Variants in DNAJC17 observed in about 807,000 individuals in gnomAD.
DNAJC17 encodes dnaJ homolog subfamily C member 17.
A neutral mutation model predicts 48.1 loss-of-function variants in DNAJC17; 35 were observed. That is an observed-to-expected ratio of 0.73 (90% CI 0.56 to 0.96). The LOEUF is 0.96. DNAJC17 is among the 50% of genes least tolerant of loss of function. The pLI is 0.00. For missense variants in DNAJC17, 355 were observed against 377.1 expected (o/e 0.94, Z 0.48); for synonymous variants, 117 against 142.7 (o/e 0.82, Z 1.28).
rs1888993152 is a variant in DNAJC17 at position 40,767,934 on chromosome 15, C to G, written c.*6G>C. The G allele has an allele frequency of 1.9e-6, 3 of 1,612,184 alleles. No homozygotes were observed. Among genetic ancestry groups the G allele is most frequent in the East Asian group, 4.5e-5 (2 of 44,864 alleles). ...AGGGCTGAGGGGTGGATGGCTGGAG[C>G]TGGGGCTACGTAGGCGGCCCCTCCT... On this transcript the variant is annotated 3_prime_UTR_variant, in exon 11 of 11. Coordinates refer to ENST00000220496, the MANE Select transcript of DNAJC17 (RefSeq NM_018163.3).
chr15:40,792,402 G>C, intron 1 of DNAJC17: 1 of 945,540 alleles, frequency 1.1e-6, no homozygotes, highest in Non-Finnish European at 1.3e-6. Flanking sequence ...TTTGAGTCTT[G>C]AAAAACAATC....
In DNAJC17 at chr15:40,767,091, A is replaced by T; in HGVS notation, c.*849T>A. On this transcript the variant is annotated 3_prime_UTR_variant, in exon 11 of 11. Coordinates refer to ENST00000220496, the MANE Select transcript of DNAJC17 (RefSeq NM_018163.3). ...GGGAGGAGGCAGGGGGCGTGCACTT[A>T]CCCCAGCGCCCAGCAAGCAGCCAGC... 1 of 834,508 alleles carries T rather than the reference A, an allele frequency of 1.2e-6. No homozygotes were observed. The allele number at this position is 834,508 out of a possible 1,614,324, so 51.7% of individuals were successfully genotyped here. A position where few individuals can be genotyped will look rare whatever the true frequency, so the allele number is the denominator to read the frequency against.
In DNAJC17 at chr15:40,765,754, G is replaced by A. The variant is rs7182456; in HGVS notation, c.*2186C>T. 0.012 allele frequency: 7,600 copies of A among 656,070 alleles called. 450 individuals carry two copies. In the African/African-American group the frequency reaches 0.13, roughly 11 times the overall value. The allele number at this position is 656,070 out of a possible 1,614,324, so 40.6% of individuals were successfully genotyped here. On this transcript the variant is annotated 3_prime_UTR_variant, in exon 11 of 11. Transcript: ENST00000220496. ...ACCTTACTCAGGGCTAGCAGGCAGG[G>A]GAGGAAGGACAGGCAAGACCTTCCA...
At position 40,776,232 on chromosome 15, in the gene DNAJC17, C is replaced by A. The variant is rs1207187471; in HGVS notation, c.442G>T (p.Glu148Ter). 1 of 1,614,032 alleles carries A rather than the reference C, an allele frequency of 6.2e-7. No homozygotes were observed. Among genetic ancestry groups the A allele is most frequent in the African/African-American group, 1.3e-5 (1 of 74,918 alleles). ...QLEEQQRLIREQIRQERDQRL... is the reference protein window; with the variant it reads ...QLEEQQRLIR ...TGGTCACGCTCCTGGCGTATCTGCTCCCGGATGAGCCTCTGCTGTTCCTCC... is the reference window on the plus strand; with the variant it reads ...TGGTCACGCTCCTGGCGTATCTGCTACCGGATGAGCCTCTGCTGTTCCTCC... The change falls in exon 6 of 11, where the codon GAG becomes TAG. Residue 148 changes from glutamate (E) to a stop codon, truncating the protein, a stop_gained. Coordinates refer to ENST00000220496, the MANE Select transcript of DNAJC17 (RefSeq NM_018163.3). LOFTEE classifies it high-confidence loss of function.
In DNAJC17 at chr15:40,773,709, C is replaced by G. The variant is rs376380319; in HGVS notation, c.792+18G>C. ...TCCGAGACCTGAGCGCCCAGCCGGG[C>G]GAGGCCTGACTCCTCACCTTTGACA... On this transcript the variant is annotated intron_variant, in intron 10 of 10. Coordinates refer to ENST00000220496, the MANE Select transcript of DNAJC17 (RefSeq NM_018163.3). 6.2e-7 allele frequency: 1 copy of G among 1,600,446 alleles called. No individual in the cohort carries two copies. Among genetic ancestry groups the G allele is most frequent in the South Asian group, 1.1e-5 (1 of 89,914 alleles).
Position 40,776,751 on chromosome 15 carries a change from C to T in DNAJC17, c.296-124G>A, listed in dbSNP as rs181309692. ...CGACGAGATCATACAGTAACTCTGC[C>T]CCCTCCCTCCATGCCCACGCCCCCG... On this transcript the variant is annotated intron_variant, in intron 4 of 10. Transcript: ENST00000220496. The T allele has an allele frequency of 6.3e-4, 554 of 883,094 alleles. 13 individuals carry two copies. The East Asian group carries it at 8.5e-3, about 14-fold the overall frequency. 54.7% of individuals were successfully genotyped at this position (883,094 alleles called of 1,614,324 possible).
Position 40,765,876 on chromosome 15 carries a change from T to G in DNAJC17, c.*2064A>C. The G allele has an allele frequency of 3.8e-6, 6 of 1,585,528 alleles. No individual in the cohort carries two copies. The highest frequency in any genetic ancestry group is 5.2e-6 in the Non-Finnish European group (6 of 1,161,202). ...GATGAACAGTCGGATCCAGAGCTGA[T>G]GCAGCATCTGGGGGCTTCAAAGAGA... On this transcript the variant is annotated 3_prime_UTR_variant, in exon 11 of 11. Coordinates refer to ENST00000220496, the MANE Select transcript of DNAJC17 (RefSeq NM_018163.3).
intron 1 of DNAJC17, among the ~76,000 whole-genome samples, chr15:40,798,203 T>C (rs776434699): frequency 5.3e-5 from 8 of 152,188 alleles, no homozygotes; most frequent in Non-Finnish European, 1.0e-4. Context: ...TGGCTGAACC[T>C]TGAAAGCATG....
At position 40,797,294 on chromosome 15, in the gene DNAJC17, C is replaced by T. The variant is rs115212357; in HGVS notation, c.78+10075G>A. 6.0e-3 allele frequency among the ~76,000 whole-genome samples: 908 copies of T among 152,274 alleles called. 9 individuals are homozygous for T. The highest frequency in any genetic ancestry group is 0.021 in the African/African-American group (867 of 41,564). On this transcript the variant is annotated intron_variant, in intron 1 of 10. Coordinates refer to ENST00000220496, the MANE Select transcript of DNAJC17 (RefSeq NM_018163.3). Reference sequence around the variant, plus strand: ...CTGAAGTGGGACGACTGCTTGGGCCCAGGAGGTTGAGGCTGCAGTGAGCTG... The same window carrying T: ...CTGAAGTGGGACGACTGCTTGGGCCTAGGAGGTTGAGGCTGCAGTGAGCTG...
intron 1 of DNAJC17, chr15:40,792,452 C>T: frequency 1.0e-6 from 1 of 985,194 alleles, no homozygotes; most frequent in Non-Finnish European, 1.2e-6. Flanking sequence ...CAGGTAATTA[C>T]CTGCCAAGAT....
intron 1 of DNAJC17, among the ~76,000 whole-genome samples, chr15:40,784,498 T>A (rs557838741): frequency 1.3e-5 from 2 of 152,292 alleles, no homozygotes; most frequent in East Asian, 3.9e-4. Flanking sequence ...AAAGCCCCTA[T>A]GAGGTAGAAA....
chr15:40,782,667 G>C (rs1480727406), intron 1 of DNAJC17, among the ~76,000 whole-genome samples: 1 of 152,002 alleles, frequency 6.6e-6, no homozygotes. Flanking sequence ...CAAGATGGAC[G>C]CAAGAAACGC....
chr15:40,779,824 T>C (rs1889431447), intron 2 of DNAJC17, 104 bp downstream of exon 2: 2 of 1,351,364 alleles, frequency 1.5e-6, no homozygotes, highest in Non-Finnish European at 2.1e-6. Flanking sequence ...AGCCAGGCAA[T>C]GTGTGCTTAC....
chr15:40,776,101 G>A (rs1596077765), intron 6 of DNAJC17, 95 bp downstream of exon 6: 3 of 1,177,572 alleles, frequency 2.5e-6, no homozygotes, highest in East Asian at 2.5e-5. Context: ...GCAGGTAGAA[G>A]CCTCCACAGC....
At position 40,776,469 on chromosome 15, in the gene DNAJC17, G is replaced by A. The variant is rs769146353; in HGVS notation, c.381+73C>T. On this transcript the variant is annotated intron_variant, in intron 5 of 10. Coordinates refer to ENST00000220496, the MANE Select transcript of DNAJC17 (RefSeq NM_018163.3). ...AGAGCATGCCCTCTCTAGCCACGGC[G>A]ACCACCAGGTCCATCCTCCCCCACC... is the stretch of plus-strand genomic sequence containing the variant. The A allele has an allele frequency of 7.0e-5, 110 of 1,571,436 alleles. 1 individual carries two copies. Among genetic ancestry groups the A allele is most frequent in the South Asian group, 3.8e-4 (34 of 90,094 alleles).
chr15:40,802,227 G>A (rs1165792162), intron 1 of DNAJC17, among the ~76,000 whole-genome samples: 1 of 149,714 alleles, frequency 6.7e-6, no homozygotes, highest in Non-Finnish European at 1.5e-5. Context: ...CTGGAGTGCA[G>A]TGGCTTGATC....
chr15:40,801,754 A>G (rs980072035), intron 1 of DNAJC17, among the ~76,000 whole-genome samples: 1 of 151,874 alleles, frequency 6.6e-6, no homozygotes, highest in Non-Finnish European at 1.5e-5. Context: ...AAAAAAAAAA[A>G]AAAGAAAAGA....
intron 5 of DNAJC17, 34 bp from the exon 6 acceptor site, chr15:40,776,326 G>A: frequency 1.2e-6 from 2 of 1,602,024 alleles, no homozygotes; most frequent in Non-Finnish European, 1.7e-6. Context: ...ACAATTCTGT[G>A]CAGGTCCAAT....
intron 1 of DNAJC17, among the ~76,000 whole-genome samples, chr15:40,798,068 T>C (rs1300712459): frequency 1.3e-5 from 2 of 152,054 alleles, no homozygotes; most frequent in Non-Finnish European, 2.9e-5. Flanking sequence ...CTCACAATAG[T>C]CAAAAGCTGG....
Sources: gnomAD v4.1 joint callset for allele counts (sites outside exome capture counted in the v4.1 genomes callset) on GRCh38, gnomAD v4.1.1 for gene constraint, MANE v1.5 for transcripts, NCBI Gene and HGNC (gene_info 2026-07-23, HGNC 2026-07-21) for gene names.